GABRA3: variants seen among roughly 807,000 people sequenced by gnomAD.
GABRA3 encodes the protein gamma-aminobutyric acid type A receptor subunit alpha3.
GABRA3 carries 10 observed loss-of-function variants against 30.1 expected under a neutral mutation model. The observed-to-expected ratio is 0.33, with a 90% confidence interval of 0.20 to 0.56. The LOEUF is 0.56. Ranked by LOEUF, GABRA3 falls within the 20% of genes least tolerant of loss-of-function variation. GABRA3 has a pLI of 0.89. For synonymous variants in GABRA3, 151 were observed against 146.8 expected (o/e 1.03, Z -0.21); for missense variants, 233 against 392.0 (o/e 0.59, Z 3.42).
At chrX:152,298,376 T>TCCC (rs1261394233) in intron 3 of GABRA3, among the ~76,000 whole-genome samples, 1 of 99,035 alleles carries the variant, frequency 1.0e-5, no homozygotes, top group African/African-American at 4.0e-5. Context: ...CCTCCCCCCT[T>TCCC]CCCCCACCCC....
chrX:152,287,861 T>C (rs1939325926), intron 3 of GABRA3, among the ~76,000 whole-genome samples: 1 of 110,615 alleles, frequency 9.0e-6, no homozygotes, highest in African/African-American at 3.3e-5. Flanking sequence ...GCCAGACTCT[T>C]TCCAAATGGG....
At chrX:152,231,275 ATATG>A (rs1938071196) in intron 5 of GABRA3, among the ~76,000 whole-genome samples, 1 of 101,392 alleles carries the variant, frequency 9.9e-6, no homozygotes, top group Admixed American at 1.1e-4. Flanking sequence ...ATACACGTAT[ATATG>A]TATACATATA....
intron 1 of GABRA3, among the ~76,000 whole-genome samples, chrX:152,440,527 C>G (rs916833572): frequency 2.7e-5 from 3 of 112,030 alleles, no homozygotes; most frequent in African/African-American, 9.7e-5. Flanking sequence ...GGGTATATAT[C>G]CAAAGGATTT....
At chrX:152,417,723 T>C (rs1199102052) in intron 1 of GABRA3, among the ~76,000 whole-genome samples, 15 of 98,644 alleles carry the variant, frequency 1.5e-4, no homozygotes, top group African/African-American at 5.2e-4. Context: ...ATGTCCTTTG[T>C]AGGGACATGG....
At chrX:152,405,909 C>T (rs946127736) in intron 1 of GABRA3, among the ~76,000 whole-genome samples, 2 of 111,590 alleles carry the variant, frequency 1.8e-5, no homozygotes, top group Non-Finnish European at 3.8e-5. Flanking sequence ...CCATGGAGGC[C>T]ATGAGAGTGT....
At chrX:152,294,610 C>T (rs1489727824) in intron 3 of GABRA3, among the ~76,000 whole-genome samples, 1 of 111,275 alleles carries the variant, frequency 9.0e-6, no homozygotes, top group Non-Finnish European at 1.9e-5. Flanking sequence ...TATTACCACC[C>T]TTCTGAAGCC....
chrX:152,308,763 T>G (rs1939757115), intron 3 of GABRA3, among the ~76,000 whole-genome samples: 1 of 112,170 alleles, frequency 8.9e-6, no homozygotes, highest in Non-Finnish European at 1.9e-5. Context: ...TCCAAATGAC[T>G]GAACTACCTC....
At chrX:152,357,915 C>T (rs1940576245) in intron 2 of GABRA3, among the ~76,000 whole-genome samples, 2 of 111,176 alleles carry the variant, frequency 1.8e-5, no homozygotes, top group Admixed American at 1.9e-4. Context: ...GTCTAGGTGT[C>T]TATTTCTGTA....
intron 1 of GABRA3, among the ~76,000 whole-genome samples, chrX:152,433,652 G>A (rs2124546775): frequency 1.1e-5 from 1 of 95,231 alleles, no homozygotes; most frequent in African/African-American, 3.8e-5. Context: ...CAAACAAAAG[G>A]AAGGAAATAA....
intron 9 of GABRA3, among the ~76,000 whole-genome samples, chrX:152,173,455 A>ATATT (rs1319516082): frequency 9.0e-6 from 1 of 110,991 alleles, no homozygotes; most frequent in Non-Finnish European, 1.9e-5. Context: ...ATGTATATAT[A>ATATT]TATTTTTTGA....
At chrX:152,290,728 A>G (rs989350765) in intron 3 of GABRA3, among the ~76,000 whole-genome samples, 5 of 112,074 alleles carry the variant, frequency 4.5e-5, no homozygotes, top group Admixed American at 1.9e-4. Flanking sequence ...AACTTTCTAC[A>G]TATGGCTAGC....
chrX:152,273,409 C>T (rs995021409), intron 4 of GABRA3, among the ~76,000 whole-genome samples: 61 of 111,888 alleles, frequency 5.5e-4, no homozygotes, highest in African/African-American at 2.0e-3. Context: ...GATAGAACTA[C>T]CATATGATCC....
At chrX:152,274,895 A>C (rs1372824657) in intron 4 of GABRA3, among the ~76,000 whole-genome samples, 1 of 106,599 alleles carries the variant, frequency 9.4e-6, no homozygotes, top group Non-Finnish European at 1.9e-5. Flanking sequence ...AATGATATCA[A>C]AAATTTTGAT....
chrX:152,420,014 G>C (rs1397614450), intron 1 of GABRA3, among the ~76,000 whole-genome samples: 4 of 110,808 alleles, frequency 3.6e-5, no homozygotes, highest in Non-Finnish European at 7.6e-5. Flanking sequence ...ACAGAATAAA[G>C]GAGAAAAATA....
chrX:152,368,775 G>A (rs111745547), intron 1 of GABRA3, among the ~76,000 whole-genome samples: 2,945 of 94,676 alleles, frequency 0.031, 146 homozygotes, highest in African/African-American at 0.11. Flanking sequence ...GCGTGATCTC[G>A]GCTCACTGCA....
chrX:152,324,771 T>C (rs1940025974), intron 3 of GABRA3, among the ~76,000 whole-genome samples: 1 of 111,655 alleles, frequency 9.0e-6, no homozygotes, highest in South Asian at 3.7e-4. Flanking sequence ...GAGTATAATA[T>C]ATAAGGTGAA....
At chrX:152,329,829 A>T (rs770354794) in intron 3 of GABRA3, among the ~76,000 whole-genome samples, 1 of 112,002 alleles carries the variant, frequency 8.9e-6, no homozygotes, top group East Asian at 2.8e-4. Flanking sequence ...ATGGCAACAA[A>T]AGCCAAAATC....
At chrX:152,260,597 G>C (rs1938713086) in intron 4 of GABRA3, among the ~76,000 whole-genome samples, 1 of 111,876 alleles carries the variant, frequency 8.9e-6, no homozygotes, top group African/African-American at 3.3e-5. Flanking sequence ...TCTTTGACTG[G>C]TAATGCAGAG....
chrX:152,389,008 T>C (rs1422833927), intron 1 of GABRA3, among the ~76,000 whole-genome samples: 1 of 112,207 alleles, frequency 8.9e-6, no homozygotes, highest in African/African-American at 3.2e-5. Flanking sequence ...CTTAGTACTA[T>C]AGTAGACAAT....
Sources: gnomAD v4.1 joint callset for allele counts (sites outside exome capture counted in the v4.1 genomes callset) on GRCh38, gnomAD v4.1.1 for gene constraint, MANE v1.5 for transcripts, NCBI Gene and HGNC (gene_info 2026-07-23, HGNC 2026-07-21) for gene names.